Variants in ADK observed in about 807,000 individuals in gnomAD.
ADK encodes N6,N6-dimethyladenosine kinase.
In ADK, 24 loss-of-function variants were observed where a neutral mutation model predicts 44.7. The ratio of observed to expected loss-of-function variants is 0.54; its 90% CI spans 0.39 to 0.76. The LOEUF is 0.76. Among genes scored for constraint, ADK ranks in the 30% least tolerant of loss-of-function variants. The pLI is 0.00. For missense variants in ADK, 321 were observed against 425.1 expected, an observed-to-expected ratio of 0.76 and a Z score of 2.15; for synonymous variants, 128 against 142.6, an observed-to-expected ratio of 0.90 and a Z score of 0.73.
chr10:74,229,033 T>C (rs1204927989), intron 3 of ADK, among the ~76,000 whole-genome samples: 1 of 152,228 alleles, frequency 6.6e-6, no homozygotes, highest in Non-Finnish European at 1.5e-5. Context: ...GAAGTGTATT[T>C]TCCCTTCTGA....
At chr10:74,458,659 A>G (rs1272064061) in intron 6 of ADK, among the ~76,000 whole-genome samples, 1 of 151,774 alleles carries the variant, frequency 6.6e-6, no homozygotes, top group Non-Finnish European at 1.5e-5. Context: ...ATCTAGTTTG[A>G]TACAAACCAT....
chr10:74,658,607 T>C (rs188332016), intron 9 of ADK, among the ~76,000 whole-genome samples: 3 of 152,064 alleles, frequency 2.0e-5, no homozygotes, highest in Admixed American at 2.0e-4. Flanking sequence ...GGCTGGCTTT[T>C]AATTTTTTTT....
At chr10:74,412,925 G>T (rs1338385351) in intron 6 of ADK, among the ~76,000 whole-genome samples, 1 of 152,100 alleles carries the variant, frequency 6.6e-6, no homozygotes, top group Non-Finnish European at 1.5e-5. Context: ...GGGCATGGTG[G>T]TGCACACCTG....
chr10:74,462,939 A>G (rs1262773886), intron 6 of ADK, among the ~76,000 whole-genome samples: 1 of 152,190 alleles, frequency 6.6e-6, no homozygotes, highest in Non-Finnish European at 1.5e-5. Flanking sequence ...TAGCATGTCC[A>G]GACTTTAGGG....
intron 9 of ADK, among the ~76,000 whole-genome samples, chr10:74,620,602 G>A (rs1234890843): frequency 2.0e-5 from 3 of 152,090 alleles, no homozygotes; most frequent in African/African-American, 4.8e-5. Context: ...TCTCTTTAAC[G>A]TACTAATTTC....
At chr10:74,514,729 A>AT (rs367939192) in intron 6 of ADK, among the ~76,000 whole-genome samples, 1 of 150,978 alleles carries the variant, frequency 6.6e-6, no homozygotes, top group Non-Finnish European at 1.5e-5. Context: ...TATTATTTTG[A>AT]TTTTTTTCCC....
At chr10:74,571,570 T>A (rs922677039) in intron 7 of ADK, among the ~76,000 whole-genome samples, 1 of 152,234 alleles carries the variant, frequency 6.6e-6, no homozygotes, top group Non-Finnish European at 1.5e-5. Context: ...TCTAGTTTAT[T>A]TGCGTAGAGG....
chr10:74,547,784 G>T (rs557815885), intron 7 of ADK, among the ~76,000 whole-genome samples: 1 of 151,790 alleles, frequency 6.6e-6, no homozygotes, highest in Non-Finnish European at 1.5e-5. Context: ...TCAGCCTCCC[G>T]AATAGCTGGG....
At chr10:74,475,123 C>CA (rs1389376316) in intron 6 of ADK, among the ~76,000 whole-genome samples, 1 of 150,292 alleles carries the variant, frequency 6.7e-6, no homozygotes, top group South Asian at 2.1e-4. Flanking sequence ...GACTCCATCT[C>CA]AAAAAAACAA....
intron 7 of ADK, among the ~76,000 whole-genome samples, chr10:74,529,010 T>C (rs1849174662): frequency 6.6e-6 from 1 of 152,168 alleles, no homozygotes; most frequent in South Asian, 2.1e-4. Context: ...CAGTTCTACT[T>C]CTAGGTATAT....
chr10:74,271,297 C>G (rs907517271), intron 3 of ADK, among the ~76,000 whole-genome samples: 3 of 152,046 alleles, frequency 2.0e-5, no homozygotes, highest in African/African-American at 7.2e-5. Context: ...AATTTTTGCT[C>G]TAACCTTGTT....
chr10:74,537,713 C>G (rs1248443025), intron 7 of ADK, among the ~76,000 whole-genome samples: 1 of 152,142 alleles, frequency 6.6e-6, no homozygotes, highest in Non-Finnish European at 1.5e-5. Flanking sequence ...CCTCAGGATG[C>G]TTAACTCTCA....
chr10:74,354,760 T>C (rs941308001), intron 4 of ADK, among the ~76,000 whole-genome samples: 2 of 152,242 alleles, frequency 1.3e-5, no homozygotes, highest in Non-Finnish European at 2.9e-5. Context: ...AGGTCTGTTA[T>C]AGCTCCAATA....
intron 6 of ADK, among the ~76,000 whole-genome samples, chr10:74,470,445 G>C (rs1275036438): frequency 6.6e-6 from 1 of 151,854 alleles, no homozygotes; most frequent in Admixed American, 6.6e-5. Context: ...CTTGTTTTCA[G>C]ATCTTTTGGA....
intron 6 of ADK, among the ~76,000 whole-genome samples, chr10:74,507,718 T>C (rs1246027013): frequency 1.3e-5 from 2 of 152,342 alleles, no homozygotes; most frequent in South Asian, 2.1e-4. Flanking sequence ...TCTGTGCTTT[T>C]TGCTGTATCA....
chr10:74,357,387 C>T (rs576586797), intron 4 of ADK, among the ~76,000 whole-genome samples: 49 of 151,614 alleles, frequency 3.2e-4, no homozygotes, highest in African/African-American at 8.5e-4. Flanking sequence ...TTTCAGCCTT[C>T]GAACTTTCAA....
intron 4 of ADK, 101 bp downstream of exon 4, chr10:74,314,846 GT>G: frequency 1.1e-6 from 1 of 903,590 alleles, no homozygotes; most frequent in Non-Finnish European, 1.8e-6. Context: ...CTGTAGAATA[GT>G]TTTGTTCATT....
intron 6 of ADK, among the ~76,000 whole-genome samples, chr10:74,416,027 CAT>C (rs1186801066): frequency 1.1e-3 from 111 of 99,812 alleles, no homozygotes; most frequent in Admixed American, 3.6e-3. Flanking sequence ...CACACACATA[CAT>C]ATATACACAC....
chr10:74,423,090 G>T (rs951484529), intron 6 of ADK, among the ~76,000 whole-genome samples: 1 of 152,084 alleles, frequency 6.6e-6, no homozygotes, highest in African/African-American at 2.4e-5. Context: ...CTCCAAACAC[G>T]CCGTCCTCAT....
Sources: allele counts gnomAD v4.1 joint callset (sites outside exome capture counted in the v4.1 genomes callset), GRCh38; gene constraint gnomAD v4.1.1; transcripts MANE v1.5; gene names NCBI Gene and HGNC (gene_info 2026-07-23, HGNC 2026-07-21).